ZMPSTE24: variants seen among roughly 807,000 people sequenced by gnomAD.
The protein encoded by ZMPSTE24 is CAAX prenyl protease 1 homolog.
ZMPSTE24 carries 48 observed loss-of-function variants against 56.7 expected under a neutral mutation model. The observed-to-expected ratio is 0.85, with a 90% confidence interval of 0.67 to 1.08. The LOEUF (loss-of-function observed/expected upper bound fraction) is 1.08, where lower values mean the gene tolerates loss of function less well. Among genes scored for constraint, ZMPSTE24 ranks in the 50% least tolerant of loss-of-function variants. The pLI is 0.00. For missense variants in ZMPSTE24, 503 were observed against 548.7 expected, an observed-to-expected ratio of 0.92 and a Z score of 0.83; for synonymous variants, 172 against 195.2, an observed-to-expected ratio of 0.88 and a Z score of 0.99.
chr1:40,260,783 A>G (rs1381452503), intron 1 of ZMPSTE24, 56 bp from the exon 2 acceptor site: 10 of 1,567,530 alleles, frequency 6.4e-6, no homozygotes, highest in Non-Finnish European at 7.9e-6. Flanking sequence ...TTGATCATAA[A>G]TGACTATTGT....
rs116584041 is a variant in ZMPSTE24 at position 40,258,766 on chromosome 1, C to T, written c.123+372C>T. ...CCTCATGACATTTATGTAATCATGC[C>T]TAACCATAGGATTTTGCAGTCCTTC... On this transcript the variant is annotated intron_variant, in intron 1 of 9. Transcript: ENST00000372759. 2.4e-3 allele frequency among the ~76,000 whole-genome samples: 371 copies of T among 152,268 alleles called. 1 individual carries two copies. The highest frequency in any genetic ancestry group is 4.2e-3 in the Non-Finnish European group (287 of 68,022).
In ZMPSTE24 at chr1:40,258,321, A is replaced by G. The variant is rs1413649496; in HGVS notation, c.50A>G (p.Lys17Arg). The change falls in exon 1 of 10, where the codon AAG (lysine) becomes AGG (arginine). Residue 17 changes from lysine to arginine, a missense_variant. Coordinates refer to ENST00000372759, the MANE Select transcript of ZMPSTE24 (RefSeq NM_005857.5). ...LDALWEMPAE[K>R]RIFGAVLLFS... ...GCTTTGTGGGAGATGCCGGCCGAGA[A>G]GCGTATCTTCGGGGCCGTGCTGCTC... The G allele has an allele frequency of 6.2e-7, 1 of 1,614,122 alleles. No homozygotes were observed. Among genetic ancestry groups the G allele is most frequent in the Non-Finnish European group, 8.5e-7 (1 of 1,180,016 alleles).
At chr1:40,263,701 C>T (rs1643520539) in intron 2 of ZMPSTE24, among the ~76,000 whole-genome samples, 1 of 147,890 alleles carries the variant, frequency 6.8e-6, no homozygotes, top group African/African-American at 2.5e-5. Context: ...GTTTTGGTCA[C>T]AGAGATCAAG....
chr1:40,285,846 A>G (rs1557781414), intron 7 of ZMPSTE24, 79 bp from the exon 8 acceptor site: 2 of 1,120,288 alleles, frequency 1.8e-6, no homozygotes, highest in African/African-American at 1.6e-5. Context: ...GTTAAAATCT[A>G]TGAAGGGCTA....
intron 7 of ZMPSTE24, among the ~76,000 whole-genome samples, chr1:40,282,726 A>T (rs1643742919): frequency 6.6e-6 from 1 of 152,080 alleles, no homozygotes; most frequent in Non-Finnish European, 1.5e-5. Context: ...TGAGCCAGAT[A>T]ATTTTTTTGT....
At chr1:40,290,505 G>A (rs1292772522) in intron 8 of ZMPSTE24, 3 of 134,574 alleles carry the variant, frequency 2.2e-5, no homozygotes, top group Non-Finnish European at 4.1e-5. Context: ...CTGTTGCCCA[G>A]GCTGGAGTGC....
At chr1:40,286,752 A>T (rs1251054585) in intron 8 of ZMPSTE24, among the ~76,000 whole-genome samples, 3 of 99,866 alleles carry the variant, frequency 3.0e-5, no homozygotes, top group Non-Finnish European at 2.0e-5. Context: ...TTTGAGATGG[A>T]GTTTCACTCT....
At chr1:40,262,354 A>G (rs947925336) in intron 2 of ZMPSTE24, among the ~76,000 whole-genome samples, 3 of 152,230 alleles carry the variant, frequency 2.0e-5, no homozygotes, top group African/African-American at 7.2e-5. Context: ...TTGGAAAACA[A>G]AGTCTCATTG....
intron 6 of ZMPSTE24, among the ~76,000 whole-genome samples, chr1:40,274,862 A>T (rs1294312094): frequency 6.6e-6 from 1 of 152,154 alleles, no homozygotes; most frequent in African/African-American, 2.4e-5. Context: ...TTTAGGGTAG[A>T]GTTGATTGAA....
intron 8 of ZMPSTE24, among the ~76,000 whole-genome samples, chr1:40,287,674 CAA>C (rs143468956): frequency 1.8e-4 from 14 of 77,360 alleles, no homozygotes; most frequent in Non-Finnish European, 2.2e-4. Flanking sequence ...GACTCTGTCT[CAA>C]AAAAAAAAAA....
At chr1:40,272,268 T>A (rs1643620970) in intron 6 of ZMPSTE24, among the ~76,000 whole-genome samples, 1 of 152,212 alleles carries the variant, frequency 6.6e-6, no homozygotes, top group Non-Finnish European at 1.5e-5. Flanking sequence ...TGTCTGCAGC[T>A]ATGTTTGTTT....
intron 8 of ZMPSTE24, 55 bp from the exon 9 acceptor site, chr1:40,290,799 C>A: frequency 1.3e-6 from 2 of 1,590,554 alleles, no homozygotes; most frequent in Non-Finnish European, 1.7e-6. Flanking sequence ...TGCTACTGAT[C>A]CCATAGTGAA....
rs997521751 is a variant in ZMPSTE24 at position 40,275,306 on chromosome 1, C to T, written c.769+3271C>T. On this transcript the variant is annotated intron_variant, in intron 6 of 9. Transcript: ENST00000372759. ...AAAAAAAGCCGGGCGTGGTGGCGGG[C>T]GCCTGTAGTCCCAGCTACTTGGGAG... Among the ~76,000 whole-genome samples the T allele has an allele frequency of 2.7e-3, 395 of 144,404 alleles. 1 individual carries two copies. The highest frequency in any genetic ancestry group is 9.4e-3 in the African/African-American group (365 of 38,710). The allele number at this position is 144,404 out of a possible 152,430, so 94.7% of individuals were successfully genotyped here.
At chr1:40,278,352 A>T (rs1643691168) in intron 6 of ZMPSTE24, among the ~76,000 whole-genome samples, 2 of 151,882 alleles carry the variant, frequency 1.3e-5, no homozygotes, top group Admixed American at 6.6e-5. Flanking sequence ...AGGTCAGGAG[A>T]TCGAGACCAT....
At chr1:40,261,114 C>A in intron 2 of ZMPSTE24, 129 bp downstream of exon 2, 2 of 1,174,496 alleles carry the variant, frequency 1.7e-6, no homozygotes, top group Non-Finnish European at 2.5e-6. Flanking sequence ...TTGATAGTAA[C>A]GGCTGTGGAG....
In ZMPSTE24 at chr1:40,293,594, A is replaced by G. The variant is rs2124008580; in HGVS notation, c.*925A>G. Reference sequence around the variant, plus strand: ...AATACTGATGAATCTCTGTGACATTACAGGGAAAAAAATATAGTTTTCTAT... The same window carrying G: ...AATACTGATGAATCTCTGTGACATTGCAGGGAAAAAAATATAGTTTTCTAT... On this transcript the variant is annotated 3_prime_UTR_variant, in exon 10 of 10. Transcript: ENST00000372759. 2 of 152,368 alleles carry G rather than the reference A, an allele frequency of 1.3e-5. No homozygotes were observed. Among genetic ancestry groups the G allele is most frequent in the African/African-American group, 4.8e-5 (2 of 41,588 alleles). 9.4% of individuals were successfully genotyped at this position (152,368 alleles called of 1,614,324 possible).
chr1:40,275,515 G>A (rs1381751165), intron 6 of ZMPSTE24, among the ~76,000 whole-genome samples: 1 of 151,886 alleles, frequency 6.6e-6, no homozygotes, highest in Non-Finnish European at 1.5e-5. Context: ...ACTTTGAGAG[G>A]CTGAGGCAGG....
intron 6 of ZMPSTE24, among the ~76,000 whole-genome samples, chr1:40,280,109 C>G (rs1232463672): frequency 6.6e-6 from 1 of 152,046 alleles, no homozygotes; most frequent in Non-Finnish European, 1.5e-5. Flanking sequence ...CAGGCTTTTT[C>G]ACCTTTCCAG....
At chr1:40,282,096 A>G (rs527803339) in intron 7 of ZMPSTE24, among the ~76,000 whole-genome samples, 14 of 152,338 alleles carry the variant, frequency 9.2e-5, no homozygotes, top group African/African-American at 3.4e-4. Flanking sequence ...CTAGGTACAC[A>G]AAAATAAAAA....
Sources: allele counts gnomAD v4.1 joint callset (sites outside exome capture counted in the v4.1 genomes callset), GRCh38; gene constraint gnomAD v4.1.1; transcripts MANE v1.5; gene names NCBI Gene and HGNC (gene_info 2026-07-23, HGNC 2026-07-21).